The following TOX variants were observed in gnomAD, a reference collection of about 807,000 sequenced individuals.
The protein encoded by TOX is thymocyte selection associated high mobility group box.
TOX carries 11 observed loss-of-function variants against 53.7 expected under a neutral mutation model. The observed-to-expected ratio is 0.20, with a 90% CI of 0.13 to 0.34. The LOEUF (loss-of-function observed/expected upper bound fraction) is 0.34, where lower values mean the gene tolerates loss of function less well. TOX is among the 10% of genes least tolerant of loss of function. The pLI is 1.00. For missense variants in TOX, 570 were observed against 664.6 expected (o/e 0.86, Z 1.56); for synonymous variants, 225 against 245.3 (o/e 0.92, Z 0.77).
At chr8:58,960,815 C>T (rs1402438330) in intron 1 of TOX, among the ~76,000 whole-genome samples, 1 of 152,194 alleles carries the variant, frequency 6.6e-6, no homozygotes, top group Non-Finnish European at 1.5e-5. Context: ...AAGTAGTCAT[C>T]ACTCTACTCA....
At chr8:58,921,523 T>C (rs1460018557) in intron 3 of TOX, among the ~76,000 whole-genome samples, 1 of 152,198 alleles carries the variant, frequency 6.6e-6, no homozygotes, top group Non-Finnish European at 1.5e-5. Context: ...CTTACCAGGA[T>C]CTTTCAGCTA....
rs900241771 is a variant in TOX at position 58,930,518 on chromosome 8, G to A, written c.411+8784C>T. 6.0e-4 allele frequency among the ~76,000 whole-genome samples: 92 copies of A among 152,180 alleles called. 1 individual carries two copies. Among genetic ancestry groups the A allele is most frequent in the African/African-American group, 1.6e-3 (68 of 41,448 alleles). On this transcript the variant is annotated intron_variant, in intron 3 of 8. Coordinates refer to ENST00000361421, the MANE Select transcript of TOX (RefSeq NM_014729.3). ...TGAGTGTTAATGCTGAATGGGGAAG[G>A]AAGGAAAGAGAAAGCAATTCTTGAC...
At chr8:59,083,723 C>T (rs549385340) in intron 1 of TOX, among the ~76,000 whole-genome samples, 1 of 152,202 alleles carries the variant, frequency 6.6e-6, no homozygotes, top group Non-Finnish European at 1.5e-5. Flanking sequence ...AACTCTGCAC[C>T]ATGTACATCT....
chr8:58,825,537 C>G (rs1019286128), intron 6 of TOX, among the ~76,000 whole-genome samples: 1 of 152,120 alleles, frequency 6.6e-6, no homozygotes, highest in Non-Finnish European at 1.5e-5. Context: ...AACTAGTGTG[C>G]TTTGTATTGG....
chr8:59,000,146 G>A (rs777882663), intron 1 of TOX, among the ~76,000 whole-genome samples: 1 of 152,048 alleles, frequency 6.6e-6, no homozygotes, highest in Non-Finnish European at 1.5e-5. Flanking sequence ...ACTATGTACA[G>A]GGTAAAAGAG....
chr8:59,098,986 G>A (rs1804760201), intron 1 of TOX, among the ~76,000 whole-genome samples: 1 of 152,200 alleles, frequency 6.6e-6, no homozygotes, highest in African/African-American at 2.4e-5. Context: ...CATGTTCAAT[G>A]TCTACTCTCG....
intron 2 of TOX, among the ~76,000 whole-genome samples, chr8:58,945,311 G>A (rs117720859): frequency 1.3e-5 from 2 of 152,224 alleles, no homozygotes; most frequent in Admixed American, 6.5e-5. Context: ...TGGCAAGGAG[G>A]TCAAATTGCT....
intron 4 of TOX, among the ~76,000 whole-genome samples, chr8:58,839,686 C>A (rs564612655): frequency 1.3e-5 from 2 of 152,334 alleles, no homozygotes; most frequent in Non-Finnish European, 2.9e-5. Flanking sequence ...TGCCCCCTAA[C>A]GAAGTGTCAA....
chr8:58,820,512 A>G (rs1810256412), intron 6 of TOX, among the ~76,000 whole-genome samples: 1 of 152,152 alleles, frequency 6.6e-6, no homozygotes, highest in Non-Finnish European at 1.5e-5. Context: ...GATATTTGGG[A>G]GCTTCCCTAC....
At chr8:58,987,926 A>G (rs1298275870) in intron 1 of TOX, among the ~76,000 whole-genome samples, 2 of 152,180 alleles carry the variant, frequency 1.3e-5, no homozygotes, top group Non-Finnish European at 2.9e-5. Flanking sequence ...TATGGAAATT[A>G]AGGCTCTGAG....
intron 1 of TOX, among the ~76,000 whole-genome samples, chr8:59,053,976 A>G (rs760346919): frequency 6.6e-6 from 1 of 152,146 alleles, no homozygotes; most frequent in Non-Finnish European, 1.5e-5. Flanking sequence ...TTGCATCTGG[A>G]GTCTAGAATT....
intron 3 of TOX, among the ~76,000 whole-genome samples, chr8:58,920,562 T>A (rs1404963275): frequency 2.0e-5 from 1 of 49,098 alleles, no homozygotes; most frequent in Non-Finnish European, 3.9e-5. Flanking sequence ...TGTGGTGGGG[T>A]CGGGGGAGGG....
chr8:58,987,713 G>A (rs1226933375), intron 1 of TOX, among the ~76,000 whole-genome samples: 1 of 152,170 alleles, frequency 6.6e-6, no homozygotes, highest in Non-Finnish European at 1.5e-5. Context: ...GTAGTGCCTG[G>A]TGTTTAGCAC....
chr8:59,054,526 G>A (rs1439496308), intron 1 of TOX, among the ~76,000 whole-genome samples: 2 of 152,102 alleles, frequency 1.3e-5, no homozygotes, highest in Non-Finnish European at 2.9e-5. Context: ...GGCAAGAAAG[G>A]TTTGGAGTTT....
chr8:58,932,297 G>A, intron 3 of TOX, among the ~76,000 whole-genome samples: 1 of 151,692 alleles, frequency 6.6e-6, no homozygotes, highest in Non-Finnish European at 1.5e-5. Context: ...AAAAAAACAG[G>A]CTATAATTGC....
intron 7 of TOX, chr8:58,814,464 A>T (rs1810138775): frequency 6.6e-6 from 1 of 152,210 alleles, no homozygotes; most frequent in African/African-American, 2.4e-5. Flanking sequence ...GCAAGTTGTC[A>T]TGGCAGGGTA....
intron 2 of TOX, among the ~76,000 whole-genome samples, chr8:58,954,674 C>G (rs1195719111): frequency 6.6e-6 from 1 of 152,154 alleles, no homozygotes; most frequent in African/African-American, 2.4e-5. Flanking sequence ...AGTCCTATAA[C>G]AAAGGCAGAA....
chr8:59,093,980 G>C (rs2129423992), intron 1 of TOX, among the ~76,000 whole-genome samples: 1 of 152,200 alleles, frequency 6.6e-6, no homozygotes, highest in East Asian at 1.9e-4. Context: ...AGTGATGGCT[G>C]TATTAATGTA....
intron 1 of TOX, among the ~76,000 whole-genome samples, chr8:58,997,395 C>T (rs2129417821): frequency 6.6e-6 from 1 of 152,330 alleles, no homozygotes; most frequent in South Asian, 2.1e-4. Flanking sequence ...GCACTTGCGT[C>T]TAGGAACTGC....
Sources: allele counts gnomAD v4.1 joint callset (sites outside exome capture counted in the v4.1 genomes callset), GRCh38; gene constraint gnomAD v4.1.1; transcripts MANE v1.5; gene names NCBI Gene and HGNC (gene_info 2026-07-23, HGNC 2026-07-21).